Variants in FOCAD observed in about 807,000 individuals in gnomAD.
FOCAD encodes the protein focadhesin.
A neutral mutation model predicts 225.6 loss-of-function variants in FOCAD; 198 were observed. The observed-to-expected ratio is 0.88, with a 90% CI of 0.78 to 0.99. The LOEUF (loss-of-function observed/expected upper bound fraction) is 0.99. FOCAD is among the 50% of genes least tolerant of loss of function. The probability of loss-of-function intolerance (pLI) is 0.00; values close to 1 mark genes in which losing one functional copy is unlikely to be tolerated. For synonymous variants in FOCAD, 897 were observed against 755.0 expected (o/e 1.19, Z -3.08); for missense variants, 2,713 against 2,123.6 (o/e 1.28, Z -5.46).
In FOCAD at chr9:20,948,451, T is replaced by C. The variant is rs200031354; in HGVS notation, c.3798+58T>C. 127 of 1,572,546 alleles carry C rather than the reference T, an allele frequency of 8.1e-5. No homozygotes were observed. In the South Asian group the frequency reaches 1.2e-3, roughly 15 times the overall value. ...TTTTATAATGGAAAAAGAACTACTT[T>C]ATTGGATCATTTATAGGAGTTGCTG... On this transcript the variant is annotated intron_variant, in intron 31 of 43. Transcript: ENST00000338382.
Position 20,929,347 on chromosome 9 carries a change from G to A in FOCAD, c.3079-11G>A. ...AGGCTAACCCTGTTTTCTTTCTTTG[G>A]CATGTCCTAGAAGTCCTATTCTGGT... is the stretch of plus-strand genomic sequence containing the variant. On this transcript the variant is annotated splice_polypyrimidine_tract_variant and intron_variant, in intron 26 of 43. Transcript: ENST00000338382. The A allele has an allele frequency of 6.2e-7, 1 of 1,609,106 alleles. No individual in the cohort carries two copies. The highest frequency in any genetic ancestry group is 8.5e-7 in the Non-Finnish European group (1 of 1,175,940).
chr9:20,751,873 C>G (rs1047148052), intron 5 of FOCAD, among the ~76,000 whole-genome samples: 5 of 144,116 alleles, frequency 3.5e-5, no homozygotes, highest in African/African-American at 7.6e-5. Context: ...GATGGTATCT[C>G]ATTGTGGTTT....
chr9:20,806,535 A>G (rs534486850), intron 11 of FOCAD, among the ~76,000 whole-genome samples: 13 of 152,292 alleles, frequency 8.5e-5, no homozygotes, highest in Non-Finnish European at 1.6e-4. Flanking sequence ...AGGGGCATCC[A>G]TAGATCAAAT....
chr9:20,667,634 C>T (rs1465181226), intron 2 of FOCAD, among the ~76,000 whole-genome samples: 1 of 152,206 alleles, frequency 6.6e-6, no homozygotes, highest in Non-Finnish European at 1.5e-5. Context: ...GAAACCACTG[C>T]AGAAATTCCA....
At chr9:20,750,396 C>A (rs117355492) in intron 5 of FOCAD, among the ~76,000 whole-genome samples, 373 of 152,186 alleles carry the variant, frequency 2.5e-3, no homozygotes, top group Non-Finnish European at 3.4e-3. Flanking sequence ...TTATGTAGTT[C>A]TTCTATTTGC....
chr9:20,668,856 G>A (rs1160557948), intron 2 of FOCAD, among the ~76,000 whole-genome samples: 1 of 151,920 alleles, frequency 6.6e-6, no homozygotes, highest in Non-Finnish European at 1.5e-5. Context: ...AAGGAGTGGT[G>A]ATCACACCAG....
At chr9:20,705,202 T>C (rs1205172851) in intron 1 of FOCAD, among the ~76,000 whole-genome samples, 1 of 152,214 alleles carries the variant, frequency 6.6e-6, no homozygotes, top group Non-Finnish European at 1.5e-5. Flanking sequence ...CCTTTTATTA[T>C]GGAGAATTTC....
At chr9:20,940,283 CTTTT>C (rs567390382) in intron 28 of FOCAD, among the ~76,000 whole-genome samples, 6 of 133,520 alleles carry the variant, frequency 4.5e-5, no homozygotes, top group Admixed American at 1.5e-4. Flanking sequence ...GCAGTTCTCC[CTTTT>C]TTTTTTTTTT....
intron 11 of FOCAD, among the ~76,000 whole-genome samples, chr9:20,815,932 A>G (rs1025361665): frequency 6.6e-6 from 1 of 152,182 alleles, no homozygotes; most frequent in Non-Finnish European, 1.5e-5. Flanking sequence ...ACAGATGTCT[A>G]TCTATATCTG....
At chr9:20,737,009 T>A (rs1196829559) in intron 4 of FOCAD, among the ~76,000 whole-genome samples, 1 of 152,112 alleles carries the variant, frequency 6.6e-6, no homozygotes, top group Non-Finnish European at 1.5e-5. Flanking sequence ...TTAAGGCAAA[T>A]GTATAACCAT....
chr9:20,693,468 T>C (rs1823100132), intron 1 of FOCAD, among the ~76,000 whole-genome samples: 1 of 152,218 alleles, frequency 6.6e-6, no homozygotes, highest in Non-Finnish European at 1.5e-5. Flanking sequence ...TTGCTTATTC[T>C]TGTCTTGCCT....
In FOCAD at chr9:20,789,267, A is replaced by G. The variant is rs529946381; in HGVS notation, c.1198-84A>G. The G allele has an allele frequency of 3.2e-5, 47 of 1,455,276 alleles. 1 individual carries two copies. Among genetic ancestry groups the G allele is most frequent in the Middle Eastern group, 2.3e-4 (1 of 4,436 alleles). The allele number at this position is 1,455,276 out of a possible 1,614,324, so 90.1% of individuals were successfully genotyped here. The stretch of plus-strand genomic sequence containing the variant: ...TTGTTGGAAGGAGTGATATCTTACA[A>G]TGAAATATAAGAATGCCAGAAACAT... On this transcript the variant is annotated intron_variant, in intron 10 of 43. Coordinates refer to ENST00000338382, the MANE Select transcript of FOCAD (RefSeq NM_001375567.1).
chr9:20,865,622 G>T (rs1474872474), intron 16 of FOCAD, among the ~76,000 whole-genome samples: 1 of 152,102 alleles, frequency 6.6e-6, no homozygotes, highest in Non-Finnish European at 1.5e-5. Context: ...GGGTAGGCTA[G>T]AACAGTGGCA....
At chr9:20,874,415 T>G (rs769918792) in intron 18 of FOCAD, 5 of 285,324 alleles carry the variant, frequency 1.8e-5, no homozygotes, top group Admixed American at 5.2e-5. Flanking sequence ...TCATTGCTTA[T>G]ACTGGCTTAC....
At chr9:20,737,703 C>T (rs1827261427) in intron 4 of FOCAD, among the ~76,000 whole-genome samples, 1 of 152,144 alleles carries the variant, frequency 6.6e-6, no homozygotes, top group Non-Finnish European at 1.5e-5. Context: ...ATGGCTCACC[C>T]AATTAGTGAT....
At chr9:20,874,956 A>T (rs1830114078) in intron 19 of FOCAD, 149 bp downstream of exon 19, 1 of 995,092 alleles carries the variant, frequency 1.0e-6, no homozygotes, top group Non-Finnish European at 1.5e-6. Flanking sequence ...TGTTCTATTG[A>T]AACAGCTTGA....
intron 21 of FOCAD, among the ~76,000 whole-genome samples, chr9:20,896,260 G>A (rs1423407042): frequency 3.3e-5 from 5 of 151,710 alleles, no homozygotes; most frequent in Admixed American, 6.6e-5. Flanking sequence ...TTTAATTTGC[G>A]TATATTTTGT....
intron 9 of FOCAD, among the ~76,000 whole-genome samples, 185 bp downstream of exon 9, chr9:20,778,953 A>T (rs958584996): frequency 6.6e-6 from 1 of 152,180 alleles, no homozygotes; most frequent in Non-Finnish European, 1.5e-5. Context: ...TTAATATAAC[A>T]TAATTTACCA....
intron 23 of FOCAD, among the ~76,000 whole-genome samples, chr9:20,914,958 C>T (rs1312920536): frequency 1.3e-5 from 2 of 151,950 alleles, no homozygotes; most frequent in Non-Finnish European, 2.9e-5. Flanking sequence ...GTTATAAATG[C>T]TAATAATTGA....
Sources: gnomAD v4.1 joint callset for allele counts (sites outside exome capture counted in the v4.1 genomes callset) on GRCh38, gnomAD v4.1.1 for gene constraint, MANE v1.5 for transcripts, NCBI Gene and HGNC (gene_info 2026-07-23, HGNC 2026-07-21) for gene names.